IPO7: variants seen among roughly 807,000 people sequenced by gnomAD.
IPO7 encodes importin-7.
Under a neutral mutation model 136.4 loss-of-function variants are expected in IPO7, and 13 were observed. The ratio of observed to expected loss-of-function variants is 0.10; its 90% CI spans 0.06 to 0.15. The LOEUF is 0.15. IPO7 is among the 10% of genes least tolerant of loss of function. The pLI, the probability that IPO7 is intolerant of heterozygous loss-of-function variation, is 1.00. For synonymous variants in IPO7, 403 were observed against 404.4 expected, an observed-to-expected ratio of 1.00 and a Z score of 0.04; for missense variants, 857 against 1,240.6, an observed-to-expected ratio of 0.69 and a Z score of 4.65.
At chr11:9,402,299 C>T (rs1025961294) in intron 1 of IPO7, among the ~76,000 whole-genome samples, 12 of 141,942 alleles carry the variant, frequency 8.5e-5, no homozygotes, top group African/African-American at 3.1e-4. Flanking sequence ...ACTCAGGAGG[C>T]TGAGGCAGAA....
chr11:9,386,528 G>A (rs1854554089), intron 1 of IPO7, among the ~76,000 whole-genome samples: 2 of 152,158 alleles, frequency 1.3e-5, no homozygotes, highest in African/African-American at 4.8e-5. Flanking sequence ...TGCTCTAATC[G>A]CGTATTATTT....
rs1425624912 is a variant in IPO7, at chr11:9,446,492, G to A, written c.*1298G>A. The A allele has an allele frequency of 6.6e-6, 1 of 152,178 alleles. No homozygotes were observed. The highest frequency in any genetic ancestry group is 6.5e-5 in the Admixed American group (1 of 15,270). 9.4% of individuals were successfully genotyped at this position (152,178 alleles called of 1,614,324 possible). A position where few individuals can be genotyped will look rare whatever the true frequency, so the allele number is the denominator to read the frequency against. On this transcript the variant is annotated 3_prime_UTR_variant, in exon 25 of 25. Coordinates refer to ENST00000379719, the MANE Select transcript of IPO7 (RefSeq NM_006391.3). ...AAAAACAAGCCAGCAAAAAGATACTGTAGAGAGGTTGGCTTGCTTCCCTCT... is the reference window on the plus strand; with the variant it reads ...AAAAACAAGCCAGCAAAAAGATACTATAGAGAGGTTGGCTTGCTTCCCTCT...
At chr11:9,386,787 T>C (rs1590421972) in intron 1 of IPO7, among the ~76,000 whole-genome samples, 1 of 152,326 alleles carries the variant, frequency 6.6e-6, no homozygotes, top group South Asian at 2.1e-4. Flanking sequence ...TACTTAACCA[T>C]TAAACTACTG....
chr11:9,425,699 C>G (rs1855194309), intron 12 of IPO7, among the ~76,000 whole-genome samples: 1 of 152,040 alleles, frequency 6.6e-6, no homozygotes, highest in Non-Finnish European at 1.5e-5. Flanking sequence ...CACAGTGAAA[C>G]CCCGTCTCTA....
At chr11:9,405,731 T>C (rs2133733832) in intron 2 of IPO7, among the ~76,000 whole-genome samples, 1 of 152,360 alleles carries the variant, frequency 6.6e-6, no homozygotes, top group Non-Finnish European at 1.5e-5. Flanking sequence ...CCATGACTTC[T>C]TTAAAAGCAA....
At chr11:9,418,760 TATGTACCC>T (rs1286927486) in intron 6 of IPO7, among the ~76,000 whole-genome samples, 1 of 152,200 alleles carries the variant, frequency 6.6e-6, no homozygotes, top group East Asian at 1.9e-4. Context: ...GCACAATTAT[TATGTACCC>T]ATGTAGCCAT....
In IPO7 at chr11:9,384,726, AGCACCCGAGCCCC is replaced by A; in HGVS notation, c.-36_-24del. On this transcript the variant is annotated 5_prime_UTR_variant, in exon 1 of 25. It removes the in-frame stop codon of an upstream open reading frame in the 5' UTR. Transcript: ENST00000379719. ...TGAGTGGCGCTATTCCTGGCCCAGT[AGCACCCGAGCCCC>A]GGGTTTGACCGAGTCCGCGCTGCGA... 1 of 1,524,618 alleles carries A rather than the reference AGCACCCGAGCCCC, an allele frequency of 6.6e-7. No individual in the cohort carries two copies. The highest frequency in any genetic ancestry group is 8.9e-7 in the Non-Finnish European group (1 of 1,120,848). The allele number at this position is 1,524,618 out of a possible 1,614,324, so 94.4% of individuals were successfully genotyped here.
chr11:9,417,791 C>T (rs1279944610), intron 6 of IPO7, among the ~76,000 whole-genome samples: 1 of 151,262 alleles, frequency 6.6e-6, no homozygotes, highest in East Asian at 1.9e-4. Flanking sequence ...CGGCTCACTG[C>T]AACCTCCGCC....
intron 1 of IPO7, among the ~76,000 whole-genome samples, chr11:9,401,253 T>G (rs1287006161): frequency 6.6e-6 from 1 of 151,802 alleles, no homozygotes; most frequent in Non-Finnish European, 1.5e-5. Context: ...GAAAAATACT[T>G]GAGCTAAAAG....
chr11:9,426,517 T>C (rs1158897710), intron 12 of IPO7, among the ~76,000 whole-genome samples: 3 of 152,204 alleles, frequency 2.0e-5, no homozygotes, highest in Non-Finnish European at 4.4e-5. Context: ...CATGGGTATA[T>C]ACCTAGGAGT....
chr11:9,384,913 C>G (rs1854529472), intron 1 of IPO7, 66 bp downstream of exon 1: 1 of 1,305,800 alleles, frequency 7.7e-7, no homozygotes, highest in Admixed American at 2.0e-5. Context: ...GCCGAGCCCC[C>G]GGGGCCTGGC....
Position 9,403,346 on chromosome 11 carries a change from G to A in IPO7, c.141G>A (p.Gln47=), listed in dbSNP as rs1485643703. The change falls in exon 2 of 25, where the codon CAG becomes CAA. Residue 47 remains glutamine (Q), a synonymous_variant. Transcript: ENST00000379719. ...TGCTCCAGATTACTATGTCGGAACA[G>A]CTGGATTTACCTGTGAGACAGGCAG... ...STLLQITMSE[Q]LDLPVRQAGV... 1.3e-5 allele frequency: 21 copies of A among 1,613,368 alleles called. No individual in the cohort carries two copies. Among genetic ancestry groups the A allele is most frequent in the Non-Finnish European group, 1.8e-5 (21 of 1,179,476 alleles).
At chr11:9,416,951 G>A (rs906960255) in intron 5 of IPO7, 108 bp from the exon 6 acceptor site, 2 of 521,020 alleles carry the variant, frequency 3.8e-6, no homozygotes, top group African/African-American at 3.9e-5. Flanking sequence ...CTAAAAGCAG[G>A]AAATGTGGAT....
rs774074516 is a variant in IPO7, at chr11:9,438,297, T to G, written c.2695+12T>G. ...TGATGATGAAACCGGTAAGGGATTTTCAATGGAAGAAGACAAAACTTATCT... is the reference window on the plus strand; with the variant it reads ...TGATGATGAAACCGGTAAGGGATTTGCAATGGAAGAAGACAAAACTTATCT... On this transcript the variant is annotated intron_variant, in intron 22 of 24. Transcript: ENST00000379719. 2.0e-5 allele frequency: 29 copies of G among 1,456,438 alleles called. 1 individual carries two copies. The highest frequency in any genetic ancestry group is 1.7e-4 in the Middle Eastern group (1 of 5,816). The allele number at this position is 1,456,438 out of a possible 1,614,324, so 90.2% of individuals were successfully genotyped here.
At chr11:9,443,591 C>CAAAA (rs55819044) in intron 24 of IPO7, among the ~76,000 whole-genome samples, 1 of 69,490 alleles carries the variant, frequency 1.4e-5, no homozygotes, top group African/African-American at 5.2e-5. Flanking sequence ...AACTCCGTCT[C>CAAAA]AAAAAAAAAA....
In IPO7 at chr11:9,440,577, A is replaced by T; in HGVS notation, c.2818A>T (p.Thr940Ser). The T allele has an allele frequency of 1.2e-6, 2 of 1,613,858 alleles. No homozygotes were observed. The highest frequency in any genetic ancestry group is 1.7e-6 in the Non-Finnish European group (2 of 1,179,756). The stretch of plus-strand genomic sequence containing the variant: ...TTGGGAAGAAGATGATGCTGAAGAG[A>T]CTGCTCTGGAAGGCTATTCCACAAT... ...EDWEEDDAEE[T>S]ALEGYSTIID... The change falls in exon 23 of 25, where the codon ACT becomes TCT. Residue 940 changes from threonine (T) to serine (S), a missense_variant. Around this residue, in one of 11 missense-constraint regions of IPO7, gnomAD observed 119 missense variants for 155.5 expected, o/e 0.77. Transcript: ENST00000379719.
chr11:9,432,389 A>G (rs1855307520), intron 16 of IPO7, among the ~76,000 whole-genome samples: 1 of 152,010 alleles, frequency 6.6e-6, no homozygotes, highest in Non-Finnish European at 1.5e-5. Flanking sequence ...TTTAGTAGAG[A>G]CAGGGTTTCA....
intron 3 of IPO7, 57 bp downstream of exon 3, chr11:9,408,696 GTTTTTTGGTTTTTTTTTTTTT>G: frequency 5.5e-6 from 1 of 181,238 alleles, no homozygotes; most frequent in Non-Finnish European, 8.7e-6. Flanking sequence ...AGGGTTTTTT[GTTTTTTGGTTTTTTTTTTTTT>G]TTTTTTTTTT....
chr11:9,442,479 T>C (rs1264304776), intron 24 of IPO7, among the ~76,000 whole-genome samples: 1 of 152,076 alleles, frequency 6.6e-6, no homozygotes, highest in Non-Finnish European at 1.5e-5. Flanking sequence ...AGTGATGCGA[T>C]GTCAGCTCAC....
Sources: gnomAD v4.1 joint callset for allele counts (sites outside exome capture counted in the v4.1 genomes callset) on GRCh38, gnomAD v4.1.1 for gene constraint, gnomAD v4.1.1 regional missense constraint, MANE v1.5 for transcripts, NCBI Gene and HGNC (gene_info 2026-07-23, HGNC 2026-07-21) for gene names.